Variants in VAV3 observed in about 807,000 individuals in gnomAD.
The protein encoded by VAV3 is guanine nucleotide exchange factor VAV3.
VAV3 carries 94 observed loss-of-function variants against 131.2 expected under a neutral mutation model. The ratio of observed to expected loss-of-function variants is 0.72; its 90% CI spans 0.61 to 0.85. The LOEUF (loss-of-function observed/expected upper bound fraction) is 0.85. VAV3 is among the 40% of genes least tolerant of loss of function. The pLI is 0.00. For synonymous variants in VAV3, 349 were observed against 342.0 expected (o/e 1.02, Z -0.22); for missense variants, 939 against 1,002.7 (o/e 0.94, Z 0.86).
intron 4 of VAV3, among the ~76,000 whole-genome samples, chr1:107,775,263 G>T (rs138644094): frequency 5.3e-5 from 8 of 152,196 alleles, no homozygotes; most frequent in Non-Finnish European, 1.2e-4. Flanking sequence ...ATTTATAGGT[G>T]TAAGTCACCA....
At chr1:107,688,865 G>GT (rs1659217723) in intron 17 of VAV3, among the ~76,000 whole-genome samples, 1 of 152,156 alleles carries the variant, frequency 6.6e-6, no homozygotes, top group South Asian at 2.1e-4. Context: ...CGTGTGAATT[G>GT]TTTTTTGTTA....
chr1:107,618,068 C>T (rs775135221), intron 20 of VAV3, among the ~76,000 whole-genome samples: 16 of 152,024 alleles, frequency 1.1e-4, no homozygotes, highest in African/African-American at 1.7e-4. Flanking sequence ...CCCTCACATG[C>T]GCAGTTCACA....
At chr1:107,837,011 C>T (rs1668508363) in intron 2 of VAV3, among the ~76,000 whole-genome samples, 1 of 151,910 alleles carries the variant, frequency 6.6e-6, no homozygotes, top group Non-Finnish European at 1.5e-5. Context: ...TGAAGCTGTT[C>T]CCAAAAAATC....
chr1:107,908,119 G>T (rs2101109240), intron 1 of VAV3, among the ~76,000 whole-genome samples: 1 of 152,246 alleles, frequency 6.6e-6, no homozygotes, highest in African/African-American at 2.4e-5. Flanking sequence ...CTGGAAGCCT[G>T]GAAACTACAT....
intron 15 of VAV3, among the ~76,000 whole-genome samples, chr1:107,708,664 C>T (rs1660597954): frequency 6.6e-6 from 1 of 152,126 alleles, no homozygotes. Flanking sequence ...CCTAACTGCT[C>T]CTCAGGCATC....
chr1:107,760,953 A>G, intron 9 of VAV3, 74 bp from the exon 10 acceptor site: 1 of 981,398 alleles, frequency 1.0e-6, no homozygotes, highest in Non-Finnish European at 1.6e-6. Context: ...TAGGCAGAAC[A>G]GTTATTATAC....
intron 25 of VAV3, among the ~76,000 whole-genome samples, chr1:107,587,868 C>G (rs1650625705): frequency 6.6e-6 from 1 of 152,174 alleles, no homozygotes; most frequent in Non-Finnish European, 1.5e-5. Context: ...CTGGGGATTA[C>G]AGGCATGAGC....
chr1:107,685,568 T>C (rs1658958366), intron 18 of VAV3, among the ~76,000 whole-genome samples: 1 of 152,146 alleles, frequency 6.6e-6, no homozygotes, highest in South Asian at 2.1e-4. Context: ...AGTCAGTCAC[T>C]CTGAAAACAG....
chr1:107,625,109 T>C (rs1437918089), intron 20 of VAV3, among the ~76,000 whole-genome samples: 1 of 152,134 alleles, frequency 6.6e-6, no homozygotes, highest in Non-Finnish European at 1.5e-5. Context: ...GGATTTCCAA[T>C]GTCTCGGCTA....
intron 17 of VAV3, among the ~76,000 whole-genome samples, chr1:107,703,024 G>C (rs1295414585): frequency 6.6e-6 from 1 of 152,066 alleles, no homozygotes; most frequent in African/African-American, 2.4e-5. Context: ...ATCTCTGCTT[G>C]ACTCTAAACT....
chr1:107,794,131 G>A (rs555854085), intron 2 of VAV3, among the ~76,000 whole-genome samples: 190 of 152,348 alleles, frequency 1.2e-3, no homozygotes, highest in African/African-American at 4.2e-3. Flanking sequence ...AACTGACCCA[G>A]AACTGTCAAG....
At chr1:107,744,619 A>G (rs1663224041) in intron 15 of VAV3, among the ~76,000 whole-genome samples, 1 of 152,206 alleles carries the variant, frequency 6.6e-6, no homozygotes, top group South Asian at 2.1e-4. Flanking sequence ...TTTTGCCATT[A>G]AAAGTAATGG....
chr1:107,680,874 A>G (rs1466936746), intron 19 of VAV3, among the ~76,000 whole-genome samples: 3 of 152,174 alleles, frequency 2.0e-5, no homozygotes, highest in African/African-American at 7.2e-5. Context: ...CCCAGGCAAC[A>G]TGGCTCAGAG....
intron 25 of VAV3, among the ~76,000 whole-genome samples, chr1:107,591,131 A>C (rs1650918324): frequency 6.6e-6 from 1 of 151,948 alleles, no homozygotes; most frequent in Admixed American, 6.6e-5. Context: ...ATTGGCCACC[A>C]CCCCACACCC....
At chr1:107,697,779 A>C (rs1252085347) in intron 17 of VAV3, among the ~76,000 whole-genome samples, 1 of 152,184 alleles carries the variant, frequency 6.6e-6, no homozygotes, top group East Asian at 1.9e-4. Flanking sequence ...CCAGGGATGC[A>C]TGTCTTCTCG....
chr1:107,846,197 T>G (rs1231553920), intron 2 of VAV3, among the ~76,000 whole-genome samples: 1 of 152,166 alleles, frequency 6.6e-6, no homozygotes, highest in Admixed American at 6.5e-5. Flanking sequence ...CCAGCCAAAC[T>G]AAGCTTCATA....
chr1:107,744,342 G>C (rs148590669), intron 15 of VAV3, among the ~76,000 whole-genome samples: 1 of 152,154 alleles, frequency 6.6e-6, no homozygotes, highest in Non-Finnish European at 1.5e-5. Flanking sequence ...AGAAATCTTA[G>C]ATATTCACAG....
intron 15 of VAV3, among the ~76,000 whole-genome samples, chr1:107,720,852 G>A (rs1480985979): frequency 1.3e-5 from 2 of 152,222 alleles, no homozygotes; most frequent in Non-Finnish European, 2.9e-5. Flanking sequence ...CATGTGGCAA[G>A]CAGTCACAGA....
intron 21 of VAV3, among the ~76,000 whole-genome samples, chr1:107,615,254 T>C (rs1272999930): frequency 6.6e-6 from 1 of 152,160 alleles, no homozygotes; most frequent in Non-Finnish European, 1.5e-5. Flanking sequence ...AGAAACAAGA[T>C]TATGTCCTTT....
Sources: allele counts gnomAD v4.1 joint callset (sites outside exome capture counted in the v4.1 genomes callset), GRCh38; gene constraint gnomAD v4.1.1; transcripts MANE v1.5; gene names NCBI Gene and HGNC (gene_info 2026-07-23, HGNC 2026-07-21).